CCDC6: variants seen among roughly 807,000 people sequenced by gnomAD.
CCDC6 encodes the protein coiled-coil domain-containing protein 6.
CCDC6 carries 20 observed loss-of-function variants against 56.6 expected under a neutral mutation model. That is an observed-to-expected ratio of 0.35 (90% CI 0.25 to 0.51). CCDC6 has a LOEUF of 0.51. Ranked by LOEUF, CCDC6 falls within the 20% of genes least tolerant of loss-of-function variation. The pLI, the probability that CCDC6 is intolerant of heterozygous loss-of-function variation, is 0.95. For missense variants in CCDC6, 367 were observed against 601.1 expected (o/e 0.61, Z 4.07); for synonymous variants, 241 against 234.4 (o/e 1.03, Z -0.26).
chr10:59,876,974 T>C (rs1283096040), intron 1 of CCDC6, among the ~76,000 whole-genome samples: 1 of 152,220 alleles, frequency 6.6e-6, no homozygotes, highest in African/African-American at 2.4e-5. Flanking sequence ...GTATGGCCTA[T>C]TGCTCCGAGG....
chr10:59,827,260 TG>T (rs2070795625), intron 3 of CCDC6, among the ~76,000 whole-genome samples: 1 of 152,230 alleles, frequency 6.6e-6, no homozygotes. Flanking sequence ...TAGTCTTTTA[TG>T]ACCTACATTT....
At chr10:59,863,022 A>G (rs548099799) in intron 1 of CCDC6, among the ~76,000 whole-genome samples, 1 of 152,358 alleles carries the variant, frequency 6.6e-6, no homozygotes, top group Admixed American at 6.5e-5. Flanking sequence ...ACAGAAAATT[A>G]AAAAGCAATG....
At chr10:59,801,555 T>A (rs1316568898) in intron 7 of CCDC6, among the ~76,000 whole-genome samples, 4 of 152,174 alleles carry the variant, frequency 2.6e-5, no homozygotes, top group Admixed American at 6.5e-5. Context: ...TGCCAGGTTT[T>A]CATCTTATAC....
intron 3 of CCDC6, among the ~76,000 whole-genome samples, chr10:59,832,202 T>A (rs1397956152): frequency 6.6e-6 from 1 of 152,246 alleles, no homozygotes; most frequent in East Asian, 1.9e-4. Context: ...TCTTAGGAAC[T>A]TTCACAGAAA....
In CCDC6 at chr10:59,834,900, T is replaced by C. The variant is rs187476593; in HGVS notation, c.454-2247A>G. On this transcript the variant is annotated intron_variant, in intron 2 of 8. Transcript: ENST00000263102. ...CAAGCATCGCTTAGGAGGAAAAATA[T>C]AGCAAAGCATGTTCATCTGCGCCTA... 6.2e-4 allele frequency among the ~76,000 whole-genome samples: 94 copies of C among 152,308 alleles called. 1 individual carries two copies. In the East Asian group the frequency reaches 0.015, roughly 25 times the overall value.
At chr10:59,832,701 C>G in intron 2 of CCDC6, 48 bp from the exon 3 acceptor site, 1 of 1,591,692 alleles carries the variant, frequency 6.3e-7, no homozygotes, top group Non-Finnish European at 8.5e-7. Flanking sequence ...AACTCAAATG[C>G]CATGGAAACA....
intron 1 of CCDC6, among the ~76,000 whole-genome samples, chr10:59,863,728 A>G (rs2132663624): frequency 6.6e-6 from 1 of 152,372 alleles, no homozygotes; most frequent in African/African-American, 2.4e-5. Flanking sequence ...TATAACATGC[A>G]CGCTTTTCAT....
intron 2 of CCDC6, among the ~76,000 whole-genome samples, chr10:59,849,058 T>C (rs1315472459): frequency 1.3e-5 from 2 of 152,200 alleles, no homozygotes; most frequent in African/African-American, 4.8e-5. Context: ...ACACTTCTTA[T>C]AGGTTTTAAT....
intron 1 of CCDC6, among the ~76,000 whole-genome samples, chr10:59,878,434 G>T (rs1355662231): frequency 6.6e-6 from 1 of 152,030 alleles, no homozygotes; most frequent in Non-Finnish European, 1.5e-5. Context: ...TGTCAGGCTG[G>T]ATACTGCAAG....
chr10:59,822,515 G>A (rs951022472), intron 3 of CCDC6, among the ~76,000 whole-genome samples: 1 of 152,216 alleles, frequency 6.6e-6, no homozygotes, highest in African/African-American at 2.4e-5. Context: ...CAAGAGTTCA[G>A]TGGAGAAGTC....
Position 59,789,495 on chromosome 10 carries a change from A to G in CCDC6, c.*3422T>C, listed in dbSNP as rs1222587357. ...AGAAAAAAACAAACAAAAAATCACC[A>G]AAAACCTAGAAACCCCTTAATCTCT... On this transcript the variant is annotated 3_prime_UTR_variant, in exon 9 of 9. Transcript: ENST00000263102. 2.6e-5 allele frequency: 6 copies of G among 232,972 alleles called. No homozygotes were observed. The highest frequency in any genetic ancestry group is 1.1e-4 in the Admixed American group (2 of 17,770). 14.4% of individuals were successfully genotyped at this position (232,972 alleles called of 1,614,324 possible).
intron 1 of CCDC6, among the ~76,000 whole-genome samples, chr10:59,858,715 G>C (rs112925632): frequency 1.0e-3 from 157 of 152,214 alleles, no homozygotes; most frequent in Non-Finnish European, 1.9e-3. Flanking sequence ...CACTCAACCT[G>C]GTCCATACCT....
intron 3 of CCDC6, among the ~76,000 whole-genome samples, chr10:59,822,724 CA>C (rs777692315): frequency 2.6e-5 from 4 of 152,198 alleles, no homozygotes; most frequent in East Asian, 1.9e-4. Context: ...GTGACAGGGA[CA>C]GGGGGGCAGA....
Position 59,812,738 on chromosome 10 carries a change from G to T in CCDC6, c.744C>A (p.Ile248=), listed in dbSNP as rs1381202448. The T allele has an allele frequency of 6.2e-7, 1 of 1,610,278 alleles. No homozygotes were observed. The highest frequency in any genetic ancestry group is 1.3e-5 in the African/African-American group (1 of 74,800). ...TTTCTGGAGAATCAATCTCCATGGAGATATCTCTAGGCGATGGTGGAGCAG... is the reference window on the plus strand; with the variant it reads ...TTTCTGGAGAATCAATCTCCATGGATATATCTCTAGGCGATGGTGGAGCAG... ...PVSAPPSPRD[I]SMEIDSPENM... Residue 248 remains isoleucine (I), a synonymous_variant, in exon 5 of 9, where the codon ATC becomes ATA. Coordinates refer to ENST00000263102, the MANE Select transcript of CCDC6 (RefSeq NM_005436.5).
chr10:59,826,154 T>C (rs773655344), intron 3 of CCDC6, among the ~76,000 whole-genome samples: 1 of 152,178 alleles, frequency 6.6e-6, no homozygotes, highest in Non-Finnish European at 1.5e-5. Flanking sequence ...TGGCATTCAC[T>C]GTAAAGACAA....
chr10:59,857,854 T>A (rs1274776301), intron 1 of CCDC6, among the ~76,000 whole-genome samples: 3 of 152,172 alleles, frequency 2.0e-5, no homozygotes, highest in Non-Finnish European at 4.4e-5. Context: ...AACATCTCAG[T>A]TTAAAATAGC....
At chr10:59,883,017 G>A (rs2071356809) in intron 1 of CCDC6, among the ~76,000 whole-genome samples, 1 of 141,884 alleles carries the variant, frequency 7.0e-6, no homozygotes, top group Admixed American at 7.0e-5. Context: ...CGTATTGATC[G>A]ACTTTAACTG....
In CCDC6 at chr10:59,823,777, T is replaced by A. The variant is rs111705157; in HGVS notation, c.582+8748A>T. Among the ~76,000 whole-genome samples the A allele has an allele frequency of 2.5e-3, 377 of 152,324 alleles. 4 individuals carry two copies. Among genetic ancestry groups the A allele is most frequent in the African/African-American group, 8.8e-3 (364 of 41,564 alleles). On this transcript the variant is annotated intron_variant, in intron 3 of 8. Coordinates refer to ENST00000263102, the MANE Select transcript of CCDC6 (RefSeq NM_005436.5). ...TGAGTTTATTTAGCCATTCATTCAT[T>A]TGCTGTGTGTTCAGCTAGAGAGAAC... is the stretch of plus-strand genomic sequence containing the variant.
chr10:59,839,565 C>T (rs2070918444), intron 2 of CCDC6, among the ~76,000 whole-genome samples: 1 of 152,136 alleles, frequency 6.6e-6, no homozygotes. Context: ...AGCCCCTCTC[C>T]AACTCCTAGA....
Sources: gnomAD v4.1 joint callset for allele counts (sites outside exome capture counted in the v4.1 genomes callset) on GRCh38, gnomAD v4.1.1 for gene constraint, MANE v1.5 for transcripts, NCBI Gene and HGNC (gene_info 2026-07-23, HGNC 2026-07-21) for gene names.